KCNIP4: variants seen among roughly 807,000 people sequenced by gnomAD.
KCNIP4 encodes the protein Kv channel-interacting protein 4.
Under a neutral mutation model 34.0 loss-of-function variants are expected in KCNIP4, and 12 were observed. The observed-to-expected ratio is 0.35, with a 90% CI of 0.23 to 0.57. The LOEUF is 0.57. Ranked by LOEUF, KCNIP4 falls within the 20% of genes least tolerant of loss-of-function variation. The pLI is 0.83. For synonymous variants in KCNIP4, 124 were observed against 102.2 expected (o/e 1.21, Z -1.29); for missense variants, 238 against 311.7 (o/e 0.76, Z 1.78).
chr4:21,016,792 T>G (rs1739586434), intron 1 of KCNIP4, among the ~76,000 whole-genome samples: 1 of 152,106 alleles, frequency 6.6e-6, no homozygotes, highest in African/African-American at 2.4e-5. Context: ...CAGTAGGCTT[T>G]CAGCAAACAC....
chr4:20,761,313 T>A (rs1754938096), intron 3 of KCNIP4, among the ~76,000 whole-genome samples: 1 of 152,178 alleles, frequency 6.6e-6, no homozygotes, highest in African/African-American at 2.4e-5. Flanking sequence ...ACACATCCTA[T>A]TAGTTCCATT....
chr4:21,658,548 T>A (rs1361912389), intron 1 of KCNIP4, among the ~76,000 whole-genome samples: 1 of 152,070 alleles, frequency 6.6e-6, no homozygotes, highest in Non-Finnish European at 1.5e-5. Flanking sequence ...CCTGAGTAGC[T>A]GAGATTACCA....
chr4:21,463,353 TA>T, intron 1 of KCNIP4, among the ~76,000 whole-genome samples: 1 of 152,246 alleles, frequency 6.6e-6, no homozygotes, highest in East Asian at 1.9e-4. Context: ...CGCCTATTTT[TA>T]AACCAGATTA....
chr4:21,283,739 A>G (rs1762928315), intron 1 of KCNIP4, among the ~76,000 whole-genome samples: 1 of 151,792 alleles, frequency 6.6e-6, no homozygotes, highest in Admixed American at 6.6e-5. Flanking sequence ...AACATGGCAC[A>G]TGTATACATA....
intron 1 of KCNIP4, among the ~76,000 whole-genome samples, chr4:21,400,581 T>TCTCTTCATC (rs1560369542): frequency 2.8e-5 from 4 of 143,688 alleles, no homozygotes; most frequent in African/African-American, 1.1e-4. Context: ...TTCTCTTCGT[T>TCTCTTCATC]CTTTCTTTCT....
At chr4:21,321,576 G>A (rs1259484149) in intron 1 of KCNIP4, among the ~76,000 whole-genome samples, 1 of 151,946 alleles carries the variant, frequency 6.6e-6, no homozygotes, top group Non-Finnish European at 1.5e-5. Context: ...CAACATGGAA[G>A]ATGGAGGGGT....
chr4:21,150,869 G>A (rs1459613930), intron 1 of KCNIP4, among the ~76,000 whole-genome samples: 1 of 152,138 alleles, frequency 6.6e-6, no homozygotes, highest in Non-Finnish European at 1.5e-5. Context: ...AAGGACTCAA[G>A]TTGGCCATTA....
chr4:21,512,133 G>A lies in KCNIP4; in HGVS notation c.61+436438C>T, dbSNP rs1208844671. 2.3e-5 allele frequency among the ~76,000 whole-genome samples: 3 copies of A among 131,096 alleles called. No homozygotes were observed. The South Asian group carries it at 7.5e-4, about 33-fold the overall frequency. 86.0% of individuals were successfully genotyped at this position (131,096 alleles called of 152,430 possible). The stretch of plus-strand genomic sequence containing the variant: ...AGAGTGAGGAAAAAAGGAAGGAAAG[G>A]AAAGAAGAAAGGAAGCAAGGGAGGG... On this transcript the variant is annotated intron_variant, in intron 1 of 8. Coordinates refer to ENST00000382152, the MANE Select transcript of KCNIP4 (RefSeq NM_025221.6).
chr4:21,453,829 C>G (rs1379135715), intron 1 of KCNIP4, among the ~76,000 whole-genome samples: 1 of 152,106 alleles, frequency 6.6e-6, no homozygotes, highest in Non-Finnish European at 1.5e-5. Context: ...GCCAGGGAAG[C>G]AGTGCTGCGT....
intron 1 of KCNIP4, among the ~76,000 whole-genome samples, chr4:21,498,543 T>A (rs1464834541): frequency 1.3e-5 from 2 of 152,218 alleles, no homozygotes; most frequent in African/African-American, 4.8e-5. Flanking sequence ...AACAGATTGA[T>A]GGATAAATAC....
At chr4:21,136,989 T>C (rs931897750) in intron 1 of KCNIP4, among the ~76,000 whole-genome samples, 3 of 152,126 alleles carry the variant, frequency 2.0e-5, no homozygotes, top group Admixed American at 2.0e-4. Flanking sequence ...CTGCACACTG[T>C]GGGCCCTTCT....
At chr4:21,296,785 T>C (rs945102699) in intron 1 of KCNIP4, among the ~76,000 whole-genome samples, 2 of 151,992 alleles carry the variant, frequency 1.3e-5, no homozygotes, top group Non-Finnish European at 2.9e-5. Context: ...ACTGACTTAA[T>C]CAAATGCTTT....
At chr4:20,930,286 C>A (rs1730322388) in intron 1 of KCNIP4, among the ~76,000 whole-genome samples, 1 of 152,000 alleles carries the variant, frequency 6.6e-6, no homozygotes, top group South Asian at 2.1e-4. Context: ...ATAAATGATT[C>A]TGGGAAAATT....
chr4:20,942,996 T>A (rs1363068573), intron 1 of KCNIP4, among the ~76,000 whole-genome samples: 2 of 152,168 alleles, frequency 1.3e-5, no homozygotes, highest in Non-Finnish European at 2.9e-5. Context: ...CTAAGGAGCT[T>A]ATGTACTTTT....
chr4:21,250,970 C>G (rs1216780024), intron 1 of KCNIP4, among the ~76,000 whole-genome samples: 1 of 151,494 alleles, frequency 6.6e-6, no homozygotes, highest in Admixed American at 6.6e-5. Context: ...CACTGTATCT[C>G]AGAAATTATC....
intron 1 of KCNIP4, among the ~76,000 whole-genome samples, chr4:21,386,672 G>T (rs1577279146): frequency 6.6e-6 from 1 of 152,148 alleles, no homozygotes; most frequent in East Asian, 1.9e-4. Context: ...AGTATAAACA[G>T]ATAACTAAGG....
chr4:20,762,794 G>T (rs1200397225), intron 3 of KCNIP4, among the ~76,000 whole-genome samples: 1 of 152,152 alleles, frequency 6.6e-6, no homozygotes, highest in Non-Finnish European at 1.5e-5. Context: ...AGTTGTGTTA[G>T]TTCATTTCCA....
At chr4:21,820,285 GTATATATATATA>G (rs869204752) in intron 1 of KCNIP4, among the ~76,000 whole-genome samples, 62 of 20,664 alleles carry the variant, frequency 3.0e-3, no homozygotes, top group African/African-American at 5.0e-3. Context: ...GTGTGTGTGT[GTATATATATATA>G]TATATATATA....
intron 1 of KCNIP4, among the ~76,000 whole-genome samples, chr4:21,412,666 T>C (rs569006382): frequency 1.8e-4 from 27 of 152,216 alleles, no homozygotes; most frequent in Non-Finnish European, 3.4e-4. Flanking sequence ...TTCTATGATA[T>C]GTAGATGCCT....
Sources: allele counts gnomAD v4.1 joint callset (sites outside exome capture counted in the v4.1 genomes callset), GRCh38; gene constraint gnomAD v4.1.1; transcripts MANE v1.5; gene names NCBI Gene and HGNC (gene_info 2026-07-23, HGNC 2026-07-21).